TAS2R1: variants seen among roughly 807,000 people sequenced by gnomAD.
The protein encoded by TAS2R1 is taste 2 receptor member 1, also known as taste receptor type 2 member 1.
For synonymous variants in TAS2R1, 141 were observed against 134.2 expected, an observed-to-expected ratio of 1.05 and a Z score of -0.35; for missense variants, 370 against 353.4, an observed-to-expected ratio of 1.05 and a Z score of -0.38.
At chr5:9,671,495 A>T (rs181020121) in intron 1 of TAS2R1, among the ~76,000 whole-genome samples, 1 of 152,296 alleles carries the variant, frequency 6.6e-6, no homozygotes, top group Non-Finnish European at 1.5e-5. Flanking sequence ...TACATCAACA[A>T]TGTCCAAGCT....
At chr5:9,747,812 CTT>C in the TAS2R1 span, among the ~76,000 whole-genome samples, 6 of 146,118 alleles carry the variant, frequency 4.1e-5, no homozygotes, top group Admixed American at 6.8e-5. Context: ...AGATTTGTAA[CTT>C]TTTTTTTTTT....
At chr5:9,697,099 GAGA>G (rs1387197650) in intron 1 of TAS2R1, among the ~76,000 whole-genome samples, 2 of 151,790 alleles carry the variant, frequency 1.3e-5, no homozygotes, top group African/African-American at 4.8e-5. Context: ...AAAGAAGGAA[GAGA>G]AGGAGAGAAA....
At chr5:9,815,563 G>A in the TAS2R1 span, among the ~76,000 whole-genome samples, 1 of 152,078 alleles carries the variant, frequency 6.6e-6, no homozygotes, top group African/African-American at 2.4e-5. Flanking sequence ...GGGTCTGCAG[G>A]TCCCAAGAGA....
the TAS2R1 span, among the ~76,000 whole-genome samples, chr5:9,822,848 CT>C: frequency 6.6e-6 from 1 of 151,726 alleles, no homozygotes; most frequent in African/African-American, 2.4e-5. Flanking sequence ...CATTCTTTTG[CT>C]GGTAAAAATT....
intron 1 of TAS2R1, among the ~76,000 whole-genome samples, chr5:9,660,171 G>A (rs1740503237): frequency 6.9e-6 from 1 of 145,216 alleles, no homozygotes. Context: ...CCATTCTCCT[G>A]CCTCAGCCTC....
chr5:9,717,571 G>GATA, the TAS2R1 span, among the ~76,000 whole-genome samples: 2 of 151,954 alleles, frequency 1.3e-5, no homozygotes, highest in African/African-American at 4.8e-5. Flanking sequence ...GTGAGAAAGG[G>GATA]ATAATACCGC....
chr5:9,683,162 T>C (rs1260094612), intron 1 of TAS2R1, among the ~76,000 whole-genome samples: 4 of 152,020 alleles, frequency 2.6e-5, no homozygotes, highest in Non-Finnish European at 4.4e-5. Flanking sequence ...ATTTACATTA[T>C]AGTATAATAT....
chr5:9,843,498 A>G, the TAS2R1 span, among the ~76,000 whole-genome samples: 1 of 152,210 alleles, frequency 6.6e-6, no homozygotes, highest in Non-Finnish European at 1.5e-5. Flanking sequence ...GTTCTCTATA[A>G]GCAACTATAG....
At chr5:9,758,144 C>A in the TAS2R1 span, among the ~76,000 whole-genome samples, 2 of 151,996 alleles carry the variant, frequency 1.3e-5, no homozygotes, top group Admixed American at 1.3e-4. Flanking sequence ...TTTGATTTTA[C>A]TACTTTAAAG....
chr5:9,766,251 T>A, the TAS2R1 span, among the ~76,000 whole-genome samples: 1 of 152,244 alleles, frequency 6.6e-6, no homozygotes, highest in South Asian at 2.1e-4. Context: ...ATATTTTTAA[T>A]GCAGAAAGAT....
At chr5:9,817,717 T>C in the TAS2R1 span, among the ~76,000 whole-genome samples, 1 of 152,216 alleles carries the variant, frequency 6.6e-6, no homozygotes. Context: ...TTCACACTAC[T>C]GTAAAGACAC....
intron 2 of TAS2R1, among the ~76,000 whole-genome samples, chr5:9,650,090 C>T (rs2126487516): frequency 6.6e-6 from 1 of 152,026 alleles, no homozygotes; most frequent in East Asian, 1.9e-4. Flanking sequence ...GAATAAAAGA[C>T]ATTTAGTGAT....
intron 1 of TAS2R1, among the ~76,000 whole-genome samples, chr5:9,668,729 C>T (rs1740689902): frequency 6.6e-6 from 1 of 152,126 alleles, no homozygotes; most frequent in Non-Finnish European, 1.5e-5. Flanking sequence ...TTTGTTACCA[C>T]TAGACCTGCC....
At chr5:9,813,387 C>A in the TAS2R1 span, among the ~76,000 whole-genome samples, 2 of 152,292 alleles carry the variant, frequency 1.3e-5, no homozygotes, top group South Asian at 2.1e-4. Flanking sequence ...AGTAAAGAAA[C>A]CACTTCGAGG....
intron 2 of TAS2R1, among the ~76,000 whole-genome samples, chr5:9,651,466 C>T (rs1295542745): frequency 6.6e-6 from 1 of 152,152 alleles, no homozygotes; most frequent in Middle Eastern, 3.4e-3. Flanking sequence ...CTTAAGAACA[C>T]CTAATACGCT....
chr5:9,818,948 T>A, the TAS2R1 span, among the ~76,000 whole-genome samples: 1 of 152,156 alleles, frequency 6.6e-6, no homozygotes, highest in Non-Finnish European at 1.5e-5. Flanking sequence ...ATCTTCCCAG[T>A]GGGACACAGG....
the TAS2R1 span, among the ~76,000 whole-genome samples, chr5:9,796,709 A>T: frequency 2.8e-5 from 4 of 144,750 alleles, no homozygotes; most frequent in African/African-American, 1.0e-4. Context: ...CGCAGAAAAT[A>T]GCTATTTTCT....
chr5:9,861,731 C>G, the TAS2R1 span, among the ~76,000 whole-genome samples: 1 of 152,154 alleles, frequency 6.6e-6, no homozygotes, highest in Non-Finnish European at 1.5e-5. Flanking sequence ...ATGTCCTGTA[C>G]CCTCTCGCAG....
At chr5:9,833,959 T>C in the TAS2R1 span, among the ~76,000 whole-genome samples, 1 of 152,172 alleles carries the variant, frequency 6.6e-6, no homozygotes. Context: ...CCCAGGTGAG[T>C]AAAGCAGAAC....
Sources: allele counts gnomAD v4.1 joint callset (sites outside exome capture counted in the v4.1 genomes callset), GRCh38; gene constraint gnomAD v4.1.1; transcripts MANE v1.5; gene names NCBI Gene and HGNC (gene_info 2026-07-23, HGNC 2026-07-21).